The following PIEZO2 variants were observed in gnomAD, a reference collection of about 807,000 sequenced individuals.
PIEZO2 encodes piezo type mechanosensitive ion channel component 2.
A neutral mutation model predicts 337.3 loss-of-function variants in PIEZO2; 172 were observed. The ratio of observed to expected loss-of-function variants is 0.51; its 90% CI spans 0.45 to 0.58. The LOEUF is 0.58. Ranked by LOEUF, PIEZO2 falls within the 20% of genes least tolerant of loss-of-function variation. PIEZO2 has a pLI of 0.00. For synonymous variants in PIEZO2, 1,251 were observed against 1,228.5 expected (o/e 1.02, Z -0.38); for missense variants, 3,028 against 3,391.3 (o/e 0.89, Z 2.66).
Position 10,691,871 on chromosome 18 carries a change from T to G in PIEZO2, c.7191-488A>C, listed in dbSNP as rs555944620. Among the ~76,000 whole-genome samples the G allele has an allele frequency of 7.2e-4, 108 of 150,146 alleles. 1 individual carries two copies. The highest frequency in any genetic ancestry group is 2.0e-3 in the African/African-American group (83 of 40,616). ...TTCTGATAGGTGGACTCTCAATTTCTTTTTACTATTCATTATAAAAATAAG... is the reference window on the plus strand; with the variant it reads ...TTCTGATAGGTGGACTCTCAATTTCGTTTTACTATTCATTATAAAAATAAG... On this transcript the variant is annotated intron_variant, in intron 47 of 55. Transcript: ENST00000674853.
rs371523982 is a variant in PIEZO2, at chr18:10,982,840, C to G, written c.161-3180G>C. Among the ~76,000 whole-genome samples the G allele has an allele frequency of 6.6e-6, 1 of 152,042 alleles. No homozygotes were observed. Among genetic ancestry groups the G allele is most frequent in the Non-Finnish European group, 1.5e-5 (1 of 68,026 alleles). On this transcript the variant is annotated intron_variant, in intron 2 of 55. Coordinates refer to ENST00000674853, the MANE Select transcript of PIEZO2 (RefSeq NM_001378183.1). The surrounding 1 kb of genome is among the most constrained non-coding windows in gnomAD (Gnocchi z 4.1). ...GGTTCAAGCGATTCTTGTGCCTCAG[C>G]CTTCTGAGTAGCTGGCATTACAGGC...
At chr18:10,974,431 G>T (rs1046962177) in intron 3 of PIEZO2, among the ~76,000 whole-genome samples, 1 of 152,214 alleles carries the variant, frequency 6.6e-6, no homozygotes, top group Non-Finnish European at 1.5e-5. Flanking sequence ...TGCTGCCATT[G>T]AAGGAAGCAA....
At chr18:10,714,973 T>G in intron 38 of PIEZO2, 43 bp from the exon 39 acceptor site, 1 of 1,523,086 alleles carries the variant, frequency 6.6e-7, no homozygotes, top group Non-Finnish European at 8.8e-7. Flanking sequence ...TGGAGGCATC[T>G]ACCTGTATAG....
At chr18:11,133,658 C>A (rs1385057656) in intron 1 of PIEZO2, among the ~76,000 whole-genome samples, 1 of 152,106 alleles carries the variant, frequency 6.6e-6, no homozygotes, top group Admixed American at 6.5e-5. Context: ...GTGCTGGATC[C>A]TTCCTGCCCT....
chr18:10,857,465 C>CT (rs538916322), intron 5 of PIEZO2, among the ~76,000 whole-genome samples: 289 of 145,854 alleles, frequency 2.0e-3, no homozygotes, highest in African/African-American at 6.2e-3. Flanking sequence ...CCTATTTGTG[C>CT]TTTTTTTTTT....
At position 10,784,863 on chromosome 18, in the gene PIEZO2, G is replaced by T. The variant is rs2144116863; in HGVS notation, c.2413C>A (p.Leu805Met). 1.3e-6 allele frequency: 2 copies of T among 1,537,682 alleles called. No individual in the cohort carries two copies. Among genetic ancestry groups the T allele is most frequent in the East Asian group, 4.9e-5 (2 of 40,904 alleles). Reference sequence around the variant, plus strand: ...AGGAACCGGTCATGGAAGTAGTGCAGGTGTAAAATGCACACCAGCAGAAAG... The same window carrying T: ...AGGAACCGGTCATGGAAGTAGTGCATGTGTAAAATGCACACCAGCAGAAAG... ...TSFLLVCILH[L>M]HYFHDRFLEL... Residue 805 changes from leucine (L) to methionine (M), a missense_variant, in exon 17 of 56, where the codon CTG becomes ATG. Transcript: ENST00000674853. This position sits in a 1 kb window ranked among gnomAD's most constrained non-coding sequence, Gnocchi z 4.5.
chr18:10,687,324 G>A (rs1567948487), intron 49 of PIEZO2, among the ~76,000 whole-genome samples: 1 of 151,870 alleles, frequency 6.6e-6, no homozygotes, highest in East Asian at 1.9e-4. Flanking sequence ...AGTGTGTGTT[G>A]TTCCACCCCA....
Position 10,895,780 on chromosome 18 carries a change from G to A in PIEZO2, c.329+15406C>T, listed in dbSNP as rs1483873898. On this transcript the variant is annotated intron_variant, in intron 4 of 55. Transcript: ENST00000674853. This position sits in a 1 kb window ranked among gnomAD's most constrained non-coding sequence, Gnocchi z 4.8. ...TGTCTGTCTCTAAAACTCAGAGCCA[G>A]GCACGGGCAGGCTCACGCCTGTAAT... Among the ~76,000 whole-genome samples, 4 of 152,148 alleles carry A rather than the reference G, an allele frequency of 2.6e-5. No homozygotes were observed. Among genetic ancestry groups the A allele is most frequent in the Admixed American group, 6.5e-5 (1 of 15,274 alleles).
At chr18:10,771,819 T>C (rs567445976) in intron 20 of PIEZO2, among the ~76,000 whole-genome samples, 1 of 152,292 alleles carries the variant, frequency 6.6e-6, no homozygotes, top group African/African-American at 2.4e-5. Context: ...GGAATGTGAA[T>C]CCCTTTGTCC....
rs2040356767 is a variant in PIEZO2 at position 11,132,114 on chromosome 18, C to T, written c.64+16411G>A. 6.6e-6 allele frequency among the ~76,000 whole-genome samples: 1 copy of T among 152,166 alleles called. No homozygotes were observed. The highest frequency in any genetic ancestry group is 1.5e-5 in the Non-Finnish European group (1 of 68,030). ...GCTGGTTGATTATATTGGACCTCTTCCAACATGGAAAGAGGAGAGATTTGT... is the reference window on the plus strand; with the variant it reads ...GCTGGTTGATTATATTGGACCTCTTTCAACATGGAAAGAGGAGAGATTTGT... On this transcript the variant is annotated intron_variant, in intron 1 of 55. Transcript: ENST00000674853. This position sits in a 1 kb window ranked among gnomAD's most constrained non-coding sequence, Gnocchi z 4.7.
rs1470728075 is a variant in PIEZO2 at position 10,670,902 on chromosome 18, C to T, written c.*625G>A. ...CACTGGTGTTTAATGGAAAGGTATC[C>T]TATTAGTCCTTGGTTAAGATAAGGC... On this transcript the variant is annotated 3_prime_UTR_variant, in exon 56 of 56. Coordinates refer to ENST00000674853, the MANE Select transcript of PIEZO2 (RefSeq NM_001378183.1). 6.6e-6 allele frequency: 1 copy of T among 151,604 alleles called. No homozygotes were observed. The highest frequency in any genetic ancestry group is 6.6e-5 in the Admixed American group (1 of 15,186). The allele number at this position is 151,604 out of a possible 1,614,324, so 9.4% of individuals were successfully genotyped here.
intron 53 of PIEZO2, 72 bp from the exon 54 acceptor site, chr18:10,675,360 T>C (rs918703409): frequency 5.2e-6 from 5 of 962,976 alleles, no homozygotes; most frequent in African/African-American, 3.4e-5. Context: ...TTTTTTGTTG[T>C]TATTGTTGAC....
At chr18:10,807,460 T>A (rs568753010) in intron 7 of PIEZO2, among the ~76,000 whole-genome samples, 186 bp from the exon 8 acceptor site, 3 of 152,390 alleles carry the variant, frequency 2.0e-5, no homozygotes, top group Non-Finnish European at 4.4e-5. Flanking sequence ...TGGACATGTA[T>A]GTATAATATG....
intron 3 of PIEZO2, among the ~76,000 whole-genome samples, chr18:10,974,948 A>G (rs2034387852): frequency 6.6e-6 from 1 of 152,230 alleles, no homozygotes; most frequent in Non-Finnish European, 1.5e-5. Flanking sequence ...CACAGAGCAC[A>G]GGGGTCCAGC....
In PIEZO2 at chr18:11,097,018, T is replaced by A. The variant is rs1269082977; in HGVS notation, c.65-30796A>T. 6.6e-6 allele frequency among the ~76,000 whole-genome samples: 1 copy of A among 152,212 alleles called. No individual in the cohort carries two copies. ...CAGCAAGGCTTTTCCTCTAGGACAC[T>A]GTCAGATAAAAATAGCTAATGAGTT... On this transcript the variant is annotated intron_variant, in intron 1 of 55. Coordinates refer to ENST00000674853, the MANE Select transcript of PIEZO2 (RefSeq NM_001378183.1). This position sits in a 1 kb window ranked among gnomAD's most constrained non-coding sequence, Gnocchi z 5.0.
intron 17 of PIEZO2, among the ~76,000 whole-genome samples, chr18:10,782,347 T>TTATATATAAATAATTATATA (rs2039037449): frequency 3.4e-5 from 2 of 59,050 alleles, no homozygotes; most frequent in Non-Finnish European, 5.3e-5. Flanking sequence ...ATAATTATAA[T>TTATATATAAATAATTATATA]ATATTATAAT....
intron 1 of PIEZO2, among the ~76,000 whole-genome samples, chr18:11,144,450 C>T (rs909372349): frequency 1.3e-5 from 2 of 152,170 alleles, no homozygotes; most frequent in South Asian, 4.2e-4. Context: ...ATAGGGGAGG[C>T]CAATGCTGAT....
chr18:10,726,679 T>C lies in PIEZO2; in HGVS notation c.5029+4728A>G. On this transcript the variant is annotated intron_variant, in intron 36 of 55. Coordinates refer to ENST00000674853, the MANE Select transcript of PIEZO2 (RefSeq NM_001378183.1). The surrounding 1 kb of genome is among the most constrained non-coding windows in gnomAD (Gnocchi z 5.9). ...CCAGACAGACACCTCGCTGCCAAGT[T>C]AATTCAGCAAGGACCAGGTGTACCT... 7.0e-7 allele frequency: 1 copy of C among 1,427,592 alleles called. No homozygotes were observed. The highest frequency in any genetic ancestry group is 9.7e-7 in the Non-Finnish European group (1 of 1,035,136). 88.4% of individuals were successfully genotyped at this position (1,427,592 alleles called of 1,614,324 possible).
chr18:10,825,110 C>T (rs1284815379), intron 7 of PIEZO2, among the ~76,000 whole-genome samples: 6 of 152,148 alleles, frequency 3.9e-5, no homozygotes, highest in South Asian at 2.1e-4. Context: ...GTGATCCACT[C>T]GCCTCGGCCT....
Sources: gnomAD v4.1 joint callset for allele counts (sites outside exome capture counted in the v4.1 genomes callset) on GRCh38, gnomAD v4.1.1 for gene constraint, Gnocchi (gnomAD v3.1) non-coding constraint, MANE v1.5 for transcripts, NCBI Gene and HGNC (gene_info 2026-07-23, HGNC 2026-07-21) for gene names.